The following MYOM2 variants were observed in gnomAD, a reference collection of about 807,000 sequenced individuals.
MYOM2 encodes the protein myomesin 2, also known as myomesin-2.
In MYOM2, 254 loss-of-function variants were observed where a neutral mutation model predicts 187.6. The observed-to-expected ratio is 1.35, with a 90% CI of 1.22 to 1.50. The LOEUF is 1.50. Among genes scored for constraint, MYOM2 ranks in the 40% most tolerant of loss-of-function variants. The probability of loss-of-function intolerance (pLI) is 0.00; values close to 1 mark genes in which losing one functional copy is unlikely to be tolerated. For missense variants in MYOM2, 2,796 were observed against 1,924.0 expected (o/e 1.45, Z -8.48); for synonymous variants, 981 against 753.8 (o/e 1.30, Z -4.94).
Position 2,059,158 on chromosome 8 carries a change from A to G in MYOM2, c.566A>G (p.Lys189Arg). 1 of 1,614,064 alleles carries G rather than the reference A, an allele frequency of 6.2e-7. No homozygotes were observed. The highest frequency in any genetic ancestry group is 8.5e-7 in the Non-Finnish European group (1 of 1,179,962). Residue 189 changes from lysine (K) to arginine (R), a missense_variant, in exon 6 of 37, where the codon AAA becomes AGA. Lys to Arg is a conservative substitution (Grantham distance 26). Transcript: ENST00000262113. Reference sequence around the variant, plus strand: ...AACATGCCTCCCTCATTTAGGTACAAAGATGGCAGTCTGATTTGCCAGGCG... The same window carrying G: ...AACATGCCTCCCTCATTTAGGTACAGAGATGGCAGTCTGATTTGCCAGGCG... ...GFPTPVVQWY[K>R]DGSLICQAAE...
intron 19 of MYOM2, among the ~76,000 whole-genome samples, 160 bp downstream of exon 19, chr8:2,099,143 G>T (rs566126666): frequency 1.4e-4 from 22 of 152,388 alleles, no homozygotes; most frequent in Non-Finnish European, 1.2e-4. Flanking sequence ...GTGCAGGGCT[G>T]TGAATCAGGC....
At chr8:2,121,964 T>G (rs1321949366) in intron 28 of MYOM2, among the ~76,000 whole-genome samples, 2 of 152,190 alleles carry the variant, frequency 1.3e-5, no homozygotes, top group Non-Finnish European at 2.9e-5. Flanking sequence ...ATGAGTTATT[T>G]TGGGGAATTA....
Position 2,129,195 on chromosome 8 carries a change from T to C in MYOM2, c.3763T>C (p.Tyr1255His). The change falls in exon 32 of 37, where the codon TAT becomes CAT. Residue 1255 changes from tyrosine (Y) to histidine (H), a missense_variant. Tyr to His is a moderately conservative substitution (Grantham distance 83, BLOSUM62 2). Transcript: ENST00000262113. ...AATACGACTTCAGTGTTTCATGAAG[T>C]ATTTTACAGACGAAATGAAAGTGAA... ...EGIRLQCFMK[Y>H]FTDEMKVNWC... 6.2e-7 allele frequency: 1 copy of C among 1,611,636 alleles called. No individual in the cohort carries two copies. Among genetic ancestry groups the C allele is most frequent in the Non-Finnish European group, 8.5e-7 (1 of 1,177,844 alleles).
At chr8:2,096,586 A>C (rs7820357) in intron 18 of MYOM2, 152 bp downstream of exon 18, 337,491 of 782,424 alleles carry the variant, frequency 0.43, 76,031 homozygotes, top group East Asian at 0.61. Context: ...TTTTGGAGCT[A>C]AAAAGATCCT....
chr8:2,127,791 C>A (rs1339016477), intron 31 of MYOM2: 1 of 158,414 alleles, frequency 6.3e-6, no homozygotes, highest in South Asian at 1.6e-4. Context: ...CGGCGTGACG[C>A]CATGACGCAG....
At chr8:2,128,418 C>G (rs963076813) in intron 31 of MYOM2, among the ~76,000 whole-genome samples, 1 of 152,198 alleles carries the variant, frequency 6.6e-6, no homozygotes, top group African/African-American at 2.4e-5. Flanking sequence ...ATCTAGTTTT[C>G]TAGGTAACTG....
rs1796048903 is a variant in MYOM2 at position 2,086,343 on chromosome 8, G to GATCTCCACGTGGCCACACACTGTCA, written c.1644+953_1644+954insATCTCCACGTGGCCACACACTGTCA. ...GATCTCTGCGTGGCCCCCCACTGTTGTGATCTCTGCGTGGCCTCCCACTGT... is the reference window on the plus strand; with the variant it reads ...GATCTCTGCGTGGCCCCCCACTGTTGATCTCCACGTGGCCACACACTGTCATGATCTCTGCGTGGCCTCCCACTGT... On this transcript the variant is annotated intron_variant, in intron 14 of 36. Transcript: ENST00000262113. 2.7e-4 allele frequency among the ~76,000 whole-genome samples: 13 copies of GATCTCCACGTGGCCACACACTGTCA among 47,350 alleles called. 4 individuals are homozygous for GATCTCCACGTGGCCACACACTGTCA. Among genetic ancestry groups the GATCTCCACGTGGCCACACACTGTCA allele is most frequent in the South Asian group, 8.4e-4 (1 of 1,190 alleles). The allele number at this position is 47,350 out of a possible 152,430, so 31.1% of individuals were successfully genotyped here.
intron 19 of MYOM2, 103 bp from the exon 20 acceptor site, chr8:2,100,773 G>C (rs369566501): frequency 2.8e-5 from 31 of 1,100,134 alleles, no homozygotes; most frequent in Middle Eastern, 2.3e-4. Flanking sequence ...TGGTCCTGGT[G>C]GGGGGCTTCC....
intron 14 of MYOM2, among the ~76,000 whole-genome samples, chr8:2,089,232 G>GTTTTTTTT (rs1796208779): frequency 1.3e-5 from 2 of 151,714 alleles, no homozygotes; most frequent in Admixed American, 6.6e-5. Context: ...TGTAATCAAG[G>GTTTTTTTT]TTTTTAAAGT....
chr8:2,101,651 C>T (rs1412187233), intron 20 of MYOM2, among the ~76,000 whole-genome samples: 1 of 152,158 alleles, frequency 6.6e-6, no homozygotes, highest in African/African-American at 2.4e-5. Flanking sequence ...CTGTTTTCTT[C>T]CACATTGCAG....
chr8:2,125,018 T>C (rs1159249616), intron 31 of MYOM2, among the ~76,000 whole-genome samples: 1 of 152,210 alleles, frequency 6.6e-6, no homozygotes, highest in East Asian at 1.9e-4. Flanking sequence ...TGAATATAGT[T>C]TCTCCCAATC....
chr8:2,069,190 T>C (rs1341140653), intron 6 of MYOM2, 88 bp from the exon 7 acceptor site: 15 of 1,270,934 alleles, frequency 1.2e-5, no homozygotes, highest in Non-Finnish European at 1.6e-5. Context: ...CCATGTGATT[T>C]GCTTTCGAGG....
intron 15 of MYOM2, 125 bp from the exon 16 acceptor site, chr8:2,092,221 T>C (rs1796328051): frequency 1.7e-6 from 2 of 1,160,950 alleles, no homozygotes; most frequent in Admixed American, 2.1e-5. Context: ...GGACCCCTTG[T>C]CTGAATTTCT....
At chr8:2,139,094 T>C (rs916750772) in intron 32 of MYOM2, among the ~76,000 whole-genome samples, 1 of 150,182 alleles carries the variant, frequency 6.7e-6, no homozygotes, top group Non-Finnish European at 1.5e-5. Flanking sequence ...CGACACACAC[T>C]GCCAGCACCA....
In MYOM2 at chr8:2,140,782, G is replaced by A; in HGVS notation, c.3860G>A (p.Trp1287Ter). ...ATCGGGGGGAGTGAAGAGATGGCTT[G>A]GCTGCAGATATGTGAGCCGACTGAG... ...MRIGGSEEMA[W>*]LQICEPTEKD... Residue 1287 changes from tryptophan (W) to a stop codon, truncating the protein, a stop_gained, in exon 33 of 37, where the codon TGG becomes TAG. Transcript: ENST00000262113. LOFTEE classifies it high-confidence loss of function. 1 of 1,614,094 alleles carries A rather than the reference G, an allele frequency of 6.2e-7. No homozygotes were observed. The highest frequency in any genetic ancestry group is 8.5e-7 in the Non-Finnish European group (1 of 1,179,994).
chr8:2,071,884 T>G (rs11136462), intron 8 of MYOM2, among the ~76,000 whole-genome samples: 72,924 of 151,960 alleles, frequency 0.48, 19,326 homozygotes, highest in Admixed American at 0.64. Flanking sequence ...CTCTTCCTCC[T>G]CTTCCAAGGG....
chr8:2,066,891 G>C (rs1388618756), intron 6 of MYOM2, among the ~76,000 whole-genome samples: 6 of 152,228 alleles, frequency 3.9e-5, no homozygotes, highest in Admixed American at 3.3e-4. Context: ...AATGAGTTCA[G>C]GCTAGAATTG....
chr8:2,059,834 C>T (rs1188040202), intron 6 of MYOM2, among the ~76,000 whole-genome samples: 1 of 151,542 alleles, frequency 6.6e-6, no homozygotes, highest in Non-Finnish European at 1.5e-5. Context: ...CCTCCACTTC[C>T]CAGGATCAAG....
Position 2,102,754 on chromosome 8 carries a change from G to C in MYOM2, c.2707G>C (p.Glu903Gln). ...CGTGGGGAAGCCCTCAGACACGTCG[G>C]AGCCTGTGCTGGTAGAGGCGAGACC... ...NGVGKPSDTS[E>Q]PVLVEARPGT... The change falls in exon 21 of 37, where the codon GAG becomes CAG. Residue 903 changes from glutamate (E) to glutamine (Q), a missense_variant. Coordinates refer to ENST00000262113, the MANE Select transcript of MYOM2 (RefSeq NM_003970.4). The C allele has an allele frequency of 6.2e-7, 1 of 1,613,944 alleles. No individual in the cohort carries two copies. Among genetic ancestry groups the C allele is most frequent in the Non-Finnish European group, 8.5e-7 (1 of 1,179,778 alleles).
Sources: allele counts gnomAD v4.1 joint callset (sites outside exome capture counted in the v4.1 genomes callset), GRCh38; gene constraint gnomAD v4.1.1; transcripts MANE v1.5; gene names NCBI Gene and HGNC (gene_info 2026-07-23, HGNC 2026-07-21).